The following COL4A1 variants were observed in gnomAD, a reference collection of about 807,000 sequenced individuals.
COL4A1 encodes the protein collagen type IV alpha 1 chain, also known as collagen alpha-1(IV) chain.
Under a neutral mutation model 216.6 loss-of-function variants are expected in COL4A1, and 40 were observed. The ratio of observed to expected loss-of-function variants is 0.18; its 90% CI spans 0.14 to 0.24. The LOEUF (loss-of-function observed/expected upper bound fraction) is 0.24, where lower values mean the gene tolerates loss of function less well. Ranked by LOEUF, COL4A1 falls within the 10% of genes least tolerant of loss-of-function variation. The probability of loss-of-function intolerance (pLI) is 1.00; values close to 1 mark genes in which losing one functional copy is unlikely to be tolerated. For synonymous variants in COL4A1, 839 were observed against 810.7 expected (o/e 1.03, Z -0.59); for missense variants, 1,628 against 2,196.8 (o/e 0.74, Z 5.18).
intron 49 of COL4A1, among the ~76,000 whole-genome samples, chr13:110,160,837 T>C (rs1484869887): frequency 6.6e-6 from 1 of 152,196 alleles, no homozygotes; most frequent in Non-Finnish European, 1.5e-5. Context: ...GCCTCCCTCG[T>C]AGCTGGGACC....
At chr13:110,219,680 G>GTA (rs1185464385) in intron 2 of COL4A1, among the ~76,000 whole-genome samples, 1 of 61,652 alleles carries the variant, frequency 1.6e-5, no homozygotes, top group African/African-American at 5.3e-5. Context: ...ATATATATGT[G>GTA]TATATATATG....
intron 22 of COL4A1, among the ~76,000 whole-genome samples, chr13:110,193,399 C>A (rs1473198113): frequency 6.6e-6 from 1 of 152,174 alleles, no homozygotes; most frequent in Admixed American, 6.5e-5. Flanking sequence ...CATATGTGAT[C>A]CAGGACAGAA....
intron 2 of COL4A1, among the ~76,000 whole-genome samples, chr13:110,238,059 T>C (rs1477909070): frequency 6.6e-6 from 1 of 152,242 alleles, no homozygotes; most frequent in Non-Finnish European, 1.5e-5. Context: ...GAAAGCAGTC[T>C]TGGTTGTTCT....
At chr13:110,182,160 G>C (rs141880346) in intron 28 of COL4A1, among the ~76,000 whole-genome samples, 3 of 152,192 alleles carry the variant, frequency 2.0e-5, no homozygotes, top group Non-Finnish European at 4.4e-5. Context: ...TGGCCCTCCT[G>C]AACAGGGATG....
chr13:110,210,141 G>C lies in COL4A1; in HGVS notation c.540C>G (p.Ile180Met). 1 of 1,614,096 alleles carries C rather than the reference G, an allele frequency of 6.2e-7. No homozygotes were observed. The highest frequency in any genetic ancestry group is 1.1e-5 in the South Asian group (1 of 91,084). The change falls in exon 9 of 52, where the codon ATC becomes ATG. Residue 180 changes from isoleucine (I) to methionine (M), a missense_variant. Physicochemically the swap from Ile to Met is conservative, Grantham distance 10. This residue lies in a region of COL4A1 where 150 missense variants were observed against 211.9 expected (regional missense o/e 0.71). Coordinates refer to ENST00000375820, the MANE Select transcript of COL4A1 (RefSeq NM_001845.6). Reference protein sequence around the residue: ...LLKGERGFPGIPGTPGPPGLP... With the variant: ...LLKGERGFPGMPGTPGPPGLP... ...AGCAAATGCTTACTGGAGTCCCTGGGATTCCGGGAAATCCTCTTTCACCTT... is the reference window on the plus strand; with the variant it reads ...AGCAAATGCTTACTGGAGTCCCTGGCATTCCGGGAAATCCTCTTTCACCTT...
At position 110,179,381 on chromosome 13, in the gene COL4A1, G is replaced by A; in HGVS notation, c.2234C>T (p.Pro745Leu). ...GVGLPGLKGL[P>L]GLPGIPGTPG... The stretch of plus-strand genomic sequence containing the variant: ...TGTGCCAGGAATGCCGGGAAGACCT[G>A]GCAAACCTTTGAGTCCCGGTAGACC... Residue 745 changes from proline (P) to leucine (L), a missense_variant, in exon 30 of 52, where the codon CCA becomes CTA. Around this residue, in one of 8 missense-constraint regions of COL4A1, gnomAD observed 701 missense variants for 892.5 expected, o/e 0.79. Transcript: ENST00000375820. 6.2e-7 allele frequency: 1 copy of A among 1,614,104 alleles called. No individual in the cohort carries two copies. The highest frequency in any genetic ancestry group is 8.5e-7 in the Non-Finnish European group (1 of 1,180,034).
intron 49 of COL4A1, among the ~76,000 whole-genome samples, chr13:110,156,570 T>A (rs1188546009): frequency 6.6e-6 from 1 of 152,194 alleles, no homozygotes; most frequent in African/African-American, 2.4e-5. Flanking sequence ...CCAGGCTGAT[T>A]CAGCTCAGCC....
rs371820354 is a variant in COL4A1, at chr13:110,167,269, A to G, written c.3877-39T>C. 4.0e-4 allele frequency: 596 copies of G among 1,502,178 alleles called. 1 individual carries two copies. The highest frequency in any genetic ancestry group is 2.4e-3 in the Middle Eastern group (14 of 5,874). The allele number at this position is 1,502,178 out of a possible 1,614,324, so 93.1% of individuals were successfully genotyped here. A position where few individuals can be genotyped will look rare whatever the true frequency, so the allele number is the denominator to read the frequency against. ...GAGGAGGTTGGGAATTGCTCAGGAT[A>G]TGTAGGTTAAGTCTCTCCAGTAACC... On this transcript the variant is annotated intron_variant, in intron 43 of 51. Transcript: ENST00000375820.
chr13:110,212,849 A>G (rs1442055826), intron 4 of COL4A1, among the ~76,000 whole-genome samples: 1 of 152,220 alleles, frequency 6.6e-6, no homozygotes, highest in Non-Finnish European at 1.5e-5. Context: ...TCGCCACTGC[A>G]AAGATATGGA....
rs1239494419 is a variant in COL4A1 at position 110,201,496 on chromosome 13, T to C, written c.1026A>G (p.Glu342=). The stretch of plus-strand genomic sequence containing the variant: ...TTCCAGGGTAGCCCCTCTCTCCTTT[T>C]TCTCCCAAAGGTCCTGTGCCTATAA... ...GIVIGTGPLG[E]KGERGYPGTP... is the part of the protein sequence containing the mutation. Residue 342 remains glutamate (E), a synonymous_variant, in exon 19 of 52, where the codon GAA becomes GAG. Transcript: ENST00000375820. 6.2e-7 allele frequency: 1 copy of C among 1,614,150 alleles called. No individual in the cohort carries two copies. The highest frequency in any genetic ancestry group is 8.5e-7 in the Non-Finnish European group (1 of 1,180,020).
intron 1 of COL4A1, among the ~76,000 whole-genome samples, chr13:110,253,867 T>C (rs1244376976): frequency 1.3e-5 from 2 of 150,318 alleles, no homozygotes; most frequent in Non-Finnish European, 3.0e-5. Context: ...TGTATGTGTG[T>C]GTGTATATAT....
intron 1 of COL4A1, among the ~76,000 whole-genome samples, chr13:110,258,873 TC>T (rs1292579833): frequency 1.3e-5 from 2 of 152,252 alleles, no homozygotes; most frequent in Non-Finnish European, 2.9e-5. Flanking sequence ...ATATTAGATG[TC>T]TTTCATTGCA....
At chr13:110,263,440 G>A (rs1004642021) in intron 1 of COL4A1, among the ~76,000 whole-genome samples, 4 of 152,140 alleles carry the variant, frequency 2.6e-5, no homozygotes, top group African/African-American at 7.2e-5. Context: ...AGCAAGCTGC[G>A]TATTATTCTT....
intron 1 of COL4A1, among the ~76,000 whole-genome samples, chr13:110,287,524 T>C (rs1485074652): frequency 6.6e-6 from 1 of 152,218 alleles, no homozygotes; most frequent in Non-Finnish European, 1.5e-5. Context: ...GAGTTTACAT[T>C]TGGGGCTCTC....
At position 110,160,164 on chromosome 13, in the gene COL4A1, C is replaced by T. The variant is rs959759878; in HGVS notation, c.4640+1028G>A. Among the ~76,000 whole-genome samples, 63 of 120,066 alleles carry T rather than the reference C, an allele frequency of 5.2e-4. 5 individuals carry two copies. The highest frequency in any genetic ancestry group is 2.0e-3 in the African/African-American group (54 of 27,606). 78.8% of individuals were successfully genotyped at this position (120,066 alleles called of 152,430 possible). ...ACTTTTAAAAAAATTCATAGGGGGC[C>T]GGGCGCGGTGGCTCACGCCTGTAAT... is the stretch of plus-strand genomic sequence containing the variant. On this transcript the variant is annotated intron_variant, in intron 49 of 51. Transcript: ENST00000375820.
At chr13:110,183,391 C>T in intron 26 of COL4A1, 115 bp from the exon 27 acceptor site, 1 of 957,110 alleles carries the variant, frequency 1.0e-6, no homozygotes, top group Non-Finnish European at 1.6e-6. Context: ...CCACGAGTGC[C>T]CGGAGAGCAG....
intron 29 of COL4A1, 57 bp downstream of exon 29, chr13:110,181,235 T>C (rs1878136214): frequency 6.4e-7 from 1 of 1,557,166 alleles, no homozygotes; most frequent in Non-Finnish European, 8.9e-7. Context: ...ATTTTTTCCA[T>C]CCAACTAATA....
In COL4A1 at chr13:110,206,845, G is replaced by A; in HGVS notation, c.807+20C>T. 1 of 1,613,906 alleles carries A rather than the reference G, an allele frequency of 6.2e-7. No homozygotes were observed. The highest frequency in any genetic ancestry group is 8.5e-7 in the Non-Finnish European group (1 of 1,179,956). ...TATGGTCTTTGACCTAAAAATGATA[G>A]GCAGAAACTGAGTACTGACCTGAAA... On this transcript the variant is annotated intron_variant, in intron 14 of 51. Transcript: ENST00000375820.
rs78442986 is a variant in COL4A1, at chr13:110,167,859, G to A, written c.3877-629C>T. Among the ~76,000 whole-genome samples, 59 of 152,068 alleles carry A rather than the reference G, an allele frequency of 3.9e-4. 1 individual carries two copies. The East Asian group carries it at 8.5e-3, about 22-fold the overall frequency. On this transcript the variant is annotated intron_variant, in intron 43 of 51. Coordinates refer to ENST00000375820, the MANE Select transcript of COL4A1 (RefSeq NM_001845.6). ...TGTAACAAGTTGTTTTATTTCTTAC[G>A]TAGATTTGTTTCTTAGCCTTATTTT...
Sources: allele counts gnomAD v4.1 joint callset (sites outside exome capture counted in the v4.1 genomes callset), GRCh38; gene constraint gnomAD v4.1.1; regional missense constraint gnomAD v4.1.1; transcripts MANE v1.5; gene names NCBI Gene and HGNC (gene_info 2026-07-23, HGNC 2026-07-21).